Variants in SOX5 observed in about 807,000 individuals in gnomAD.
The protein encoded by SOX5 is SRY-box transcription factor 5, also known as transcription factor SOX-5.
Under a neutral mutation model 92.0 loss-of-function variants are expected in SOX5, and 9 were observed. That is an observed-to-expected ratio of 0.10 (90% CI 0.06 to 0.17). The LOEUF (loss-of-function observed/expected upper bound fraction) is 0.17, where lower values mean the gene tolerates loss of function less well. Among genes scored for constraint, SOX5 ranks in the 10% least tolerant of loss-of-function variants. The probability of loss-of-function intolerance (pLI) is 1.00; values close to 1 mark genes in which losing one functional copy is unlikely to be tolerated. For missense variants in SOX5, 642 were observed against 944.5 expected (o/e 0.68, Z 4.20); for synonymous variants, 344 against 336.3 (o/e 1.02, Z -0.25).
At chr12:24,273,472 C>A (rs760258899) in intron 3 of SOX5, among the ~76,000 whole-genome samples, 3 of 152,038 alleles carry the variant, frequency 2.0e-5, no homozygotes, top group Admixed American at 6.6e-5. Context: ...ATATTTACCC[C>A]AAAAAAATTT....
intron 1 of SOX5, among the ~76,000 whole-genome samples, chr12:24,560,447 C>T (rs1954225457): frequency 6.6e-6 from 1 of 152,184 alleles, no homozygotes; most frequent in Admixed American, 6.5e-5. Context: ...TGCAGGAGAA[C>T]TTTGCACAGT....
chr12:23,764,960 A>T (rs908549085), intron 3 of SOX5, among the ~76,000 whole-genome samples: 4 of 152,076 alleles, frequency 2.6e-5, no homozygotes, highest in Non-Finnish European at 1.5e-5. Context: ...GAACAATAAA[A>T]GCTGACATGA....
intron 13 of SOX5, among the ~76,000 whole-genome samples, chr12:23,542,049 G>A (rs1460557788): frequency 6.6e-6 from 1 of 152,172 alleles, no homozygotes; most frequent in Non-Finnish European, 1.5e-5. Flanking sequence ...GGCGGAGGTT[G>A]CAGTGAGCCG....
At chr12:24,392,188 G>A (rs567652823) in intron 1 of SOX5, among the ~76,000 whole-genome samples, 24 of 152,172 alleles carry the variant, frequency 1.6e-4, no homozygotes, top group Admixed American at 7.9e-4. Flanking sequence ...CTCTCACTGC[G>A]CTATTGCAAT....
At chr12:23,757,845 A>G (rs2094442273) in intron 3 of SOX5, among the ~76,000 whole-genome samples, 2 of 151,864 alleles carry the variant, frequency 1.3e-5, no homozygotes, top group African/African-American at 4.8e-5. Flanking sequence ...GTGTGCTCAT[A>G]AAGAAACAGA....
chr12:23,873,262 A>G (rs1453913119), intron 2 of SOX5, among the ~76,000 whole-genome samples: 1 of 151,988 alleles, frequency 6.6e-6, no homozygotes, highest in East Asian at 1.9e-4. Flanking sequence ...CTAGGAATTC[A>G]AGACTGAAGA....
Position 24,144,583 on chromosome 12 carries a change from A to C in SOX5, c.-2+68760T>G, listed in dbSNP as rs568483666. On this transcript the variant is annotated intron_variant, in intron 4 of 4. Coordinates refer to the SOX5 transcript ENST00000446891. ...CAGTTTGGGAGGCCAAGGCAGGAGG[A>C]TCGCTTGACACCAGGAGTTTGAGAT... is the stretch of plus-strand genomic sequence containing the variant. Among the ~76,000 whole-genome samples the C allele has an allele frequency of 3.3e-5, 5 of 152,300 alleles. No individual in the cohort carries two copies. In the East Asian group the frequency reaches 9.7e-4, roughly 29 times the overall value.
intron 1 of SOX5, among the ~76,000 whole-genome samples, chr12:24,376,761 T>C (rs894965605): frequency 3.6e-5 from 5 of 140,176 alleles, no homozygotes; most frequent in Middle Eastern, 3.8e-3. Context: ...GGCTGGAGTA[T>C]AGTGGTGCAA....
At chr12:24,528,056 A>G (rs993085391) in intron 1 of SOX5, among the ~76,000 whole-genome samples, 5 of 152,198 alleles carry the variant, frequency 3.3e-5, no homozygotes, top group East Asian at 1.9e-4. Context: ...CAAGTTTACG[A>G]ATTTTTATTA....
chr12:24,067,795 A>C (rs1179081553), intron 4 of SOX5, among the ~76,000 whole-genome samples: 7 of 152,206 alleles, frequency 4.6e-5, no homozygotes, highest in African/African-American at 1.7e-4. Flanking sequence ...GTAGAAAAAC[A>C]AGAAGGTGAA....
At chr12:23,954,463 G>A (rs12370648), upstream of SOX5, among the ~76,000 whole-genome samples, 35,564 of 147,912 alleles carry the variant, frequency 0.24, 4,822 homozygotes, top group East Asian at 0.37. Context: ...CAAAAAAAAA[G>A]AAAGAAAGAA....
intron 9 of SOX5, chr12:23,584,494 TATTACGAGCTCCA>T: frequency 8.0e-7 from 1 of 1,249,632 alleles, no homozygotes; most frequent in Admixed American, 1.7e-5. Flanking sequence ...ATAAGTCATT[TATTACGAGCTCCA>T]ATTAATTACA....
intron 2 of SOX5, among the ~76,000 whole-genome samples, chr12:23,855,509 A>G (rs1368999133): frequency 6.6e-6 from 1 of 152,102 alleles, no homozygotes; most frequent in Non-Finnish European, 1.5e-5. Flanking sequence ...ATTGTTTGTG[A>G]TAAATACATG....
intron 4 of SOX5, among the ~76,000 whole-genome samples, chr12:24,038,612 G>A (rs566847286): frequency 7.2e-5 from 11 of 152,056 alleles, no homozygotes; most frequent in South Asian, 6.2e-4. Context: ...AGTGGTCCAC[G>A]TAGAGCACAA....
intron 8 of SOX5, among the ~76,000 whole-genome samples, chr12:23,621,047 T>G (rs979258375): frequency 3.9e-5 from 6 of 152,122 alleles, no homozygotes; most frequent in African/African-American, 1.4e-4. Context: ...ACACTACATA[T>G]TAGTTATGAT....
At chr12:23,629,840 T>C (rs1326731693) in intron 8 of SOX5, among the ~76,000 whole-genome samples, 1 of 151,946 alleles carries the variant, frequency 6.6e-6, no homozygotes, top group Non-Finnish European at 1.5e-5. Flanking sequence ...CTTAGCTCAA[T>C]AGCTTACAAA....
chr12:24,187,525 C>T (rs1032335672), intron 4 of SOX5, among the ~76,000 whole-genome samples: 1 of 152,206 alleles, frequency 6.6e-6, no homozygotes, highest in African/African-American at 2.4e-5. Flanking sequence ...CAAAATTGGG[C>T]ATTGTGACTT....
chr12:24,344,312 C>T (rs1218889567), intron 2 of SOX5, among the ~76,000 whole-genome samples: 2 of 106,774 alleles, frequency 1.9e-5, no homozygotes, highest in African/African-American at 7.0e-5. Context: ...AAAAAAAAAT[C>T]AAGTAAGATA....
chr12:23,945,757 G>A (rs1241884173), intron 1 of SOX5, among the ~76,000 whole-genome samples: 1 of 152,150 alleles, frequency 6.6e-6, no homozygotes. Context: ...AATGTGAACA[G>A]ATAACTTTTC....
Sources: allele counts gnomAD v4.1 joint callset (sites outside exome capture counted in the v4.1 genomes callset), GRCh38; gene constraint gnomAD v4.1.1; transcripts MANE v1.5; gene names NCBI Gene and HGNC (gene_info 2026-07-23, HGNC 2026-07-21).